The following GRID1 variants were observed in gnomAD, a reference collection of about 807,000 sequenced individuals.
GRID1 encodes glutamate ionotropic receptor delta type subunit 1, also known as glutamate receptor ionotropic, delta-1.
Under a neutral mutation model 98.0 loss-of-function variants are expected in GRID1, and 28 were observed. That is an observed-to-expected ratio of 0.29 (90% confidence interval 0.21 to 0.39). The LOEUF (loss-of-function observed/expected upper bound fraction) is 0.39, where lower values mean the gene tolerates loss of function less well. Ranked by LOEUF, GRID1 falls within the 10% of genes least tolerant of loss-of-function variation. The pLI is 1.00. For synonymous variants in GRID1, 553 were observed against 538.5 expected, an observed-to-expected ratio of 1.03 and a Z score of -0.37; for missense variants, 1,111 against 1,340.5, an observed-to-expected ratio of 0.83 and a Z score of 2.67.
intron 4 of GRID1, among the ~76,000 whole-genome samples, chr10:85,969,625 T>G (rs926704569): frequency 2.0e-5 from 3 of 151,934 alleles, no homozygotes; most frequent in Admixed American, 2.0e-4. Flanking sequence ...CAAAGAAAAT[T>G]TTTTAAAACT....
chr10:85,807,998 A>G (rs1261005860), intron 8 of GRID1, among the ~76,000 whole-genome samples: 2 of 152,186 alleles, frequency 1.3e-5, no homozygotes, highest in Non-Finnish European at 2.9e-5. Flanking sequence ...CCTTTATTTG[A>G]AAGTTCAAAT....
At position 85,749,498 on chromosome 10, in the gene GRID1, C is replaced by T. The variant is rs530395585; in HGVS notation, c.1234-19884G>A. Among the ~76,000 whole-genome samples the T allele has an allele frequency of 2.9e-4, 44 of 152,278 alleles. No homozygotes were observed. In the South Asian group the frequency reaches 8.5e-3, roughly 29 times the overall value. ...AGTCTAGCCTATCCTGACCATAATA[C>T]ATCCCCTACATAGGACACAGAGTGA... is the stretch of plus-strand genomic sequence containing the variant. On this transcript the variant is annotated intron_variant, in intron 8 of 15. Transcript: ENST00000327946.
At chr10:85,808,978 A>AAGAAAAC (rs1842645838) in intron 8 of GRID1, among the ~76,000 whole-genome samples, 1 of 152,278 alleles carries the variant, frequency 6.6e-6, no homozygotes, top group African/African-American at 2.4e-5. Context: ...TTGTATGTCA[A>AAGAAAAC]AGAAAACAGA....
chr10:86,146,325 A>T (rs1387460375), intron 3 of GRID1, among the ~76,000 whole-genome samples: 1 of 152,132 alleles, frequency 6.6e-6, no homozygotes, highest in Admixed American at 6.5e-5. Flanking sequence ...GCCCCCAAAG[A>T]TATGCTTTGA....
chr10:86,109,826 G>A (rs1413875039), intron 4 of GRID1, among the ~76,000 whole-genome samples: 3 of 152,150 alleles, frequency 2.0e-5, no homozygotes, highest in African/African-American at 7.2e-5. Flanking sequence ...GAGGAAGATG[G>A]CTGGGGTCCA....
chr10:85,691,381 T>C (rs1324394402), intron 12 of GRID1, among the ~76,000 whole-genome samples: 1 of 152,350 alleles, frequency 6.6e-6, no homozygotes. Context: ...ATCCATGTTT[T>C]GTTTTATTAT....
chr10:85,694,546 GTGTGTATATATATA>G (rs1282994553), intron 12 of GRID1, among the ~76,000 whole-genome samples: 79 of 78,162 alleles, frequency 1.0e-3, no homozygotes, highest in African/African-American at 3.7e-3. Flanking sequence ...AGAAAATGTG[GTGTGTATATATATA>G]TATATATATA....
chr10:86,138,845 G>A lies in GRID1; in HGVS notation c.700C>T (p.Gln234Ter). ...LRRAILLLSPQGAHSFINEAV... is the reference protein window; with the variant it reads ...LRRAILLLSP ...TCGTTGATGAAGGAGTGGGCTCCCT[G>A]TGGGCTGAGCAGCAGGATGGCGCGG... is the stretch of plus-strand genomic sequence containing the variant. Residue 234 changes from glutamine to a stop codon, truncating the protein, a stop_gained, in exon 4 of 16, where the codon CAG becomes TAG. Transcript: ENST00000327946. LOFTEE classifies it high-confidence loss of function. 1 of 1,614,210 alleles carries A rather than the reference G, an allele frequency of 6.2e-7. No homozygotes were observed. The highest frequency in any genetic ancestry group is 8.5e-7 in the Non-Finnish European group (1 of 1,180,006).
Position 85,619,807 on chromosome 10 carries a change from T to A in GRID1, c.2360+60A>T. ...GCTCTTATCTTCTAAGAGGTTATTC[T>A]CCTACCCTTGACCACTAGAGTCCTG... is the stretch of plus-strand genomic sequence containing the variant. On this transcript the variant is annotated intron_variant, in intron 14 of 15. Coordinates refer to ENST00000327946, the MANE Select transcript of GRID1 (RefSeq NM_017551.3). 6 of 1,338,130 alleles carry A rather than the reference T, an allele frequency of 4.5e-6. No homozygotes were observed. In the South Asian group the frequency reaches 7.2e-5, roughly 16 times the overall value. The allele number at this position is 1,338,130 out of a possible 1,614,324, so 82.9% of individuals were successfully genotyped here. A position where few individuals can be genotyped will look rare whatever the true frequency, so the allele number is the denominator to read the frequency against.
intron 2 of GRID1, among the ~76,000 whole-genome samples, chr10:86,273,748 T>G (rs2132063225): frequency 6.6e-6 from 1 of 152,258 alleles, no homozygotes; most frequent in East Asian, 1.9e-4. Context: ...TCGCCCACTT[T>G]TTGATGGGGT....
intron 4 of GRID1, among the ~76,000 whole-genome samples, chr10:86,133,803 T>A (rs1844873942): frequency 6.6e-6 from 1 of 152,260 alleles, no homozygotes; most frequent in African/African-American, 2.4e-5. Context: ...AGGGACAGAT[T>A]ATCCAACATC....
At chr10:85,993,566 C>T (rs1337975610) in intron 4 of GRID1, among the ~76,000 whole-genome samples, 1 of 152,148 alleles carries the variant, frequency 6.6e-6, no homozygotes, top group African/African-American at 2.4e-5. Context: ...TGCAAAGGAG[C>T]TACTACTGCT....
At chr10:85,939,051 T>TC (rs1412579679) in intron 4 of GRID1, among the ~76,000 whole-genome samples, 2 of 152,232 alleles carry the variant, frequency 1.3e-5, no homozygotes, top group African/African-American at 4.8e-5. Context: ...CAAATGGTTG[T>TC]CCCTGGAGGC....
At chr10:85,906,586 T>C (rs1254028189) in intron 5 of GRID1, among the ~76,000 whole-genome samples, 1 of 152,130 alleles carries the variant, frequency 6.6e-6, no homozygotes, top group Non-Finnish European at 1.5e-5. Context: ...TAGAAATCAA[T>C]AGCAGAAAGA....
chr10:86,028,409 C>T (rs1041090902), intron 4 of GRID1, among the ~76,000 whole-genome samples: 1 of 152,166 alleles, frequency 6.6e-6, no homozygotes, highest in East Asian at 1.9e-4. Context: ...TGGTATGGAC[C>T]GATTTACTGT....
chr10:86,218,973 G>A lies in GRID1; in HGVS notation c.236-12325C>T, dbSNP rs530176806. ...GGCCCTGGTCCACCCACTATCGACA[G>A]CACAGCCCGAGACAGCTGTGCTCAC... On this transcript the variant is annotated intron_variant, in intron 2 of 15. Transcript: ENST00000327946. Among the ~76,000 whole-genome samples the A allele has an allele frequency of 1.5e-3, 221 of 152,318 alleles. 1 individual carries two copies. Among genetic ancestry groups the A allele is most frequent in the Non-Finnish European group, 1.8e-3 (122 of 68,022 alleles).
intron 8 of GRID1, among the ~76,000 whole-genome samples, chr10:85,803,737 T>G (rs1842597564): frequency 6.6e-6 from 1 of 152,066 alleles, no homozygotes; most frequent in African/African-American, 2.4e-5. Context: ...TATATATTTG[T>G]GGGTTACATC....
At chr10:85,620,077 CTG>C in intron 13 of GRID1, 44 bp from the exon 14 acceptor site, 1 of 1,552,300 alleles carries the variant, frequency 6.4e-7, no homozygotes, top group Non-Finnish European at 8.9e-7. Context: ...TCCTGGCCAG[CTG>C]TGTCAGCTTT....
At chr10:86,187,745 C>A (rs1845746561) in intron 3 of GRID1, among the ~76,000 whole-genome samples, 1 of 152,200 alleles carries the variant, frequency 6.6e-6, no homozygotes, top group Admixed American at 6.5e-5. Context: ...CTGATTTGCA[C>A]ATGGAATTGG....
Sources: gnomAD v4.1 joint callset for allele counts (sites outside exome capture counted in the v4.1 genomes callset) on GRCh38, gnomAD v4.1.1 for gene constraint, MANE v1.5 for transcripts, NCBI Gene and HGNC (gene_info 2026-07-23, HGNC 2026-07-21) for gene names.